The following DDAH1 variants were observed in gnomAD, a reference collection of about 807,000 sequenced individuals.
DDAH1 encodes dimethylarginine dimethylaminohydrolase 1, also known as N(G),N(G)-dimethylarginine dimethylaminohydrolase 1.
A neutral mutation model predicts 28.8 loss-of-function variants in DDAH1; 19 were observed. The observed-to-expected ratio is 0.66, with a 90% CI of 0.46 to 0.97. The LOEUF (loss-of-function observed/expected upper bound fraction) is 0.97, where lower values mean the gene tolerates loss of function less well. Among genes scored for constraint, DDAH1 ranks in the 50% least tolerant of loss-of-function variants. The pLI is 0.00. For synonymous variants in DDAH1, 153 were observed against 154.4 expected (o/e 0.99, Z 0.07); for missense variants, 326 against 375.9 (o/e 0.87, Z 1.10).
chr1:85,367,213 G>C (rs921504625), intron 1 of DDAH1, among the ~76,000 whole-genome samples: 1 of 152,120 alleles, frequency 6.6e-6, no homozygotes, highest in African/African-American at 2.4e-5. Context: ...ACCTGAAAAA[G>C]AAGGATCTAA....
intron 1 of DDAH1, among the ~76,000 whole-genome samples, chr1:85,366,849 A>G (rs1650102328): frequency 6.6e-6 from 1 of 152,144 alleles, no homozygotes; most frequent in South Asian, 2.1e-4. Context: ...TATGATACTT[A>G]TATTTTATTT....
intron 1 of DDAH1, among the ~76,000 whole-genome samples, chr1:85,518,902 T>C (rs1245425309): frequency 1.3e-5 from 2 of 152,042 alleles, no homozygotes; most frequent in African/African-American, 4.8e-5. Context: ...TCTTAGCACA[T>C]AGCAATTACT....
intron 1 of DDAH1, among the ~76,000 whole-genome samples, chr1:85,444,124 C>A (rs1176834315): frequency 2.0e-5 from 3 of 152,148 alleles, no homozygotes; most frequent in Admixed American, 2.0e-4. Flanking sequence ...CAGTTTTTGC[C>A]CATTCAGTAT....
At chr1:85,485,456 A>C (rs1337752334) in intron 2 of DDAH1, among the ~76,000 whole-genome samples, 1 of 152,214 alleles carries the variant, frequency 6.6e-6, no homozygotes, top group South Asian at 2.1e-4. Flanking sequence ...TGGTAACTGC[A>C]GAATAACTAA....
At chr1:85,394,277 T>C (rs992706560) in intron 1 of DDAH1, among the ~76,000 whole-genome samples, 9 of 152,198 alleles carry the variant, frequency 5.9e-5, no homozygotes, top group African/African-American at 9.7e-5. Context: ...CAGGTTGTTA[T>C]AAGGTGAGGT....
intron 2 of DDAH1, among the ~76,000 whole-genome samples, chr1:85,477,139 T>C (rs893700065): frequency 2.6e-5 from 4 of 151,898 alleles, no homozygotes; most frequent in Non-Finnish European, 4.4e-5. Context: ...TGGAGAGAAA[T>C]TACCAAACTG....
chr1:85,380,908 C>T (rs1159626022), intron 1 of DDAH1, among the ~76,000 whole-genome samples: 2 of 152,122 alleles, frequency 1.3e-5, no homozygotes, highest in Admixed American at 6.6e-5. Flanking sequence ...ACACATCTGG[C>T]ACTCTGGGTT....
chr1:85,361,001 A>G (rs1431686700), intron 1 of DDAH1, among the ~76,000 whole-genome samples: 1 of 152,248 alleles, frequency 6.6e-6, no homozygotes, highest in African/African-American at 2.4e-5. Context: ...TTTCAGAGTT[A>G]AGCACATGGA....
chr1:85,465,191 C>T, upstream of DDAH1: 1 of 1,134,332 alleles, frequency 8.8e-7, no homozygotes, highest in Non-Finnish European at 1.1e-6. Context: ...GCGCCCGGAG[C>T]CCTGCCCGCG....
intron 1 of DDAH1, among the ~76,000 whole-genome samples, chr1:85,457,969 G>A (rs372282424): frequency 2.0e-5 from 3 of 152,054 alleles, no homozygotes; most frequent in East Asian, 3.9e-4. Context: ...GATTACAGGC[G>A]TGAGCCACCA....
intron 1 of DDAH1, among the ~76,000 whole-genome samples, chr1:85,377,711 T>A (rs1480607551): frequency 7.1e-6 from 1 of 140,670 alleles, no homozygotes; most frequent in Non-Finnish European, 1.5e-5. Context: ...CTCCCCCTCA[T>A]CCCCCCACCC....
At chr1:85,472,045 G>A (rs1655635900) in intron 2 of DDAH1, among the ~76,000 whole-genome samples, 1 of 152,194 alleles carries the variant, frequency 6.6e-6, no homozygotes, top group South Asian at 2.1e-4. Flanking sequence ...CCCCAGGGCG[G>A]GTCATAGAAA....
intron 2 of DDAH1, among the ~76,000 whole-genome samples, chr1:85,352,362 A>G (rs1484436570): frequency 6.6e-6 from 1 of 152,128 alleles, no homozygotes; most frequent in Non-Finnish European, 1.5e-5. Flanking sequence ...GCCTCCAGCC[A>G]CCCTTGATGA....
intron 1 of DDAH1, among the ~76,000 whole-genome samples, chr1:85,384,388 C>T (rs919018055): frequency 6.6e-6 from 1 of 152,074 alleles, no homozygotes; most frequent in Non-Finnish European, 1.5e-5. Context: ...ATTTTTTGTC[C>T]CCTCAATTTG....
intron 1 of DDAH1, among the ~76,000 whole-genome samples, chr1:85,447,442 G>T (rs560681614): frequency 1.3e-5 from 2 of 152,298 alleles, no homozygotes; most frequent in African/African-American, 2.4e-5. Flanking sequence ...ATAAACCAGA[G>T]AATTGAATGA....
chr1:85,575,646 A>G (rs1034325755), intron 1 of DDAH1, among the ~76,000 whole-genome samples: 5 of 152,198 alleles, frequency 3.3e-5, no homozygotes, highest in African/African-American at 7.2e-5. Context: ...CACCTAGACT[A>G]TTTGGGTAAG....
chr1:85,408,319 T>G, intron 1 of DDAH1, among the ~76,000 whole-genome samples: 1 of 151,138 alleles, frequency 6.6e-6, no homozygotes, highest in African/African-American at 2.4e-5. Flanking sequence ...CTTTTTGTGG[T>G]AAAATATTCA....
At chr1:85,546,711 T>C (rs1658638105) in intron 1 of DDAH1, among the ~76,000 whole-genome samples, 1 of 151,856 alleles carries the variant, frequency 6.6e-6, no homozygotes, top group Non-Finnish European at 1.5e-5. Context: ...TTGTAAGAGG[T>C]GGGGAGAAAA....
intron 1 of DDAH1, among the ~76,000 whole-genome samples, chr1:85,445,074 A>C (rs146803054): frequency 1.3e-5 from 2 of 152,236 alleles, no homozygotes; most frequent in Non-Finnish European, 2.9e-5. Flanking sequence ...CACATTTTTC[A>C]GCCTGTTTAT....
Sources: allele counts gnomAD v4.1 joint callset (sites outside exome capture counted in the v4.1 genomes callset), GRCh38; gene constraint gnomAD v4.1.1; transcripts MANE v1.5; gene names NCBI Gene and HGNC (gene_info 2026-07-23, HGNC 2026-07-21).